Variants in XKR4 observed in about 807,000 individuals in gnomAD.
XKR4 encodes the protein XK-related protein 4.
Under a neutral mutation model 53.9 loss-of-function variants are expected in XKR4, and 12 were observed. The ratio of observed to expected loss-of-function variants is 0.22; its 90% CI spans 0.14 to 0.36. The LOEUF is 0.36. Among genes scored for constraint, XKR4 ranks in the 10% least tolerant of loss-of-function variants. XKR4 has a pLI of 1.00. For synonymous variants in XKR4, 354 were observed against 362.4 expected, an observed-to-expected ratio of 0.98 and a Z score of 0.26; for missense variants, 799 against 859.5, an observed-to-expected ratio of 0.93 and a Z score of 0.88.
At chr8:55,236,983 A>C (rs1247007162) in intron 1 of XKR4, among the ~76,000 whole-genome samples, 1 of 152,200 alleles carries the variant, frequency 6.6e-6, no homozygotes, top group Non-Finnish European at 1.5e-5. Context: ...TATTGTTGAA[A>C]AGCGGGAAAT....
chr8:55,248,090 C>A (rs761499420), intron 1 of XKR4, among the ~76,000 whole-genome samples: 1 of 151,714 alleles, frequency 6.6e-6, no homozygotes, highest in Admixed American at 6.6e-5. Flanking sequence ...CTCCTGACCT[C>A]GTGATCCACC....
At chr8:55,262,959 G>C (rs943081219) in intron 1 of XKR4, among the ~76,000 whole-genome samples, 2 of 152,088 alleles carry the variant, frequency 1.3e-5, no homozygotes, top group Admixed American at 1.3e-4. Flanking sequence ...AACCCTGAAG[G>C]CAGGGAGATA....
At chr8:55,331,625 G>A (rs1418774387) in intron 1 of XKR4, among the ~76,000 whole-genome samples, 1 of 152,100 alleles carries the variant, frequency 6.6e-6, no homozygotes, top group African/African-American at 2.4e-5. Flanking sequence ...TAGGAAGTCT[G>A]ATGCTTGAGG....
At chr8:55,341,992 G>A (rs906213322) in intron 1 of XKR4, among the ~76,000 whole-genome samples, 6 of 151,780 alleles carry the variant, frequency 4.0e-5, no homozygotes, top group African/African-American at 1.5e-4. Flanking sequence ...CCCTTAGACT[G>A]GACCTGAATT....
intron 1 of XKR4, among the ~76,000 whole-genome samples, chr8:55,328,722 G>A (rs142827365): frequency 1.9e-3 from 295 of 152,264 alleles, no homozygotes; most frequent in Non-Finnish European, 3.9e-3. Flanking sequence ...GTCTTTGAAT[G>A]TGCCTCACTC....
chr8:55,453,486 C>G (rs192628120), intron 2 of XKR4: 3 of 394,140 alleles, frequency 7.6e-6, no homozygotes, highest in Non-Finnish European at 1.5e-5. Flanking sequence ...CAGTTGCCCA[C>G]GACCTCCAGC....
intron 1 of XKR4, among the ~76,000 whole-genome samples, chr8:55,288,766 C>A (rs1216452843): frequency 6.6e-6 from 1 of 152,120 alleles, no homozygotes; most frequent in Non-Finnish European, 1.5e-5. Flanking sequence ...AACTTGAGGA[C>A]AATAATCCAA....
chr8:55,198,210 A>G (rs939645218), intron 1 of XKR4, among the ~76,000 whole-genome samples: 2 of 152,194 alleles, frequency 1.3e-5, no homozygotes, highest in Non-Finnish European at 2.9e-5. Context: ...CTGAGACCAA[A>G]TAATATAATA....
intron 2 of XKR4, among the ~76,000 whole-genome samples, chr8:55,490,036 G>A (rs1184179202): frequency 6.6e-6 from 1 of 152,068 alleles, no homozygotes; most frequent in Non-Finnish European, 1.5e-5. Context: ...TAAATTGAAA[G>A]TTTGGAGATC....
At chr8:55,182,157 G>T (rs2129359890) in intron 1 of XKR4, among the ~76,000 whole-genome samples, 2 of 150,162 alleles carry the variant, frequency 1.3e-5, no homozygotes, top group South Asian at 2.1e-4. Context: ...AAAGTTAGTT[G>T]TTTTTTTTTA....
chr8:55,450,571 C>T, intron 2 of XKR4: 2 of 723,604 alleles, frequency 2.8e-6, no homozygotes, highest in South Asian at 2.9e-5. Context: ...AGCCGAGGAA[C>T]TTGAGATAGA....
At chr8:55,223,123 G>A (rs1817903610) in intron 1 of XKR4, among the ~76,000 whole-genome samples, 1 of 152,170 alleles carries the variant, frequency 6.6e-6, no homozygotes, top group African/African-American at 2.4e-5. Context: ...GATGCTATCA[G>A]CACAGGTAAG....
At chr8:55,178,915 G>A (rs1307808187) in intron 1 of XKR4, among the ~76,000 whole-genome samples, 3 of 152,150 alleles carry the variant, frequency 2.0e-5, no homozygotes, top group East Asian at 3.9e-4. Flanking sequence ...CCTCTCAGTA[G>A]CAGAGAATTC....
Position 55,490,896 on chromosome 8 carries a change from T to A in XKR4, c.1007-32385T>A, listed in dbSNP as rs148254888. ...TTTACAGTTTCCTCAAATTTAGAAA[T>A]GTTTCAGCCATTATTTCTTCCAATA... On this transcript the variant is annotated intron_variant, in intron 2 of 2. Transcript: ENST00000327381. Among the ~76,000 whole-genome samples, 29 of 151,510 alleles carry A rather than the reference T, an allele frequency of 1.9e-4. No individual in the cohort carries two copies. In the East Asian group the frequency reaches 5.4e-3, roughly 28 times the overall value.
intron 2 of XKR4, among the ~76,000 whole-genome samples, chr8:55,399,085 G>A (rs748276124): frequency 6.6e-6 from 1 of 152,166 alleles, no homozygotes; most frequent in East Asian, 1.9e-4. Flanking sequence ...TGGAAGTAGC[G>A]AGTGTTGTTC....
intron 2 of XKR4, among the ~76,000 whole-genome samples, chr8:55,372,242 GGT>G (rs1804078470): frequency 6.6e-6 from 1 of 152,122 alleles, no homozygotes; most frequent in African/African-American, 2.4e-5. Flanking sequence ...CCTTTCCTGT[GGT>G]GTCTTCATTT....
intron 2 of XKR4, among the ~76,000 whole-genome samples, chr8:55,396,330 G>A (rs935875774): frequency 3.4e-4 from 51 of 149,280 alleles, no homozygotes; most frequent in African/African-American, 1.2e-3. Context: ...GGACTGGGTA[G>A]ATGCCCTGCA....
chr8:55,187,769 G>T (rs1425839806), intron 1 of XKR4, among the ~76,000 whole-genome samples: 1 of 152,164 alleles, frequency 6.6e-6, no homozygotes, highest in African/African-American at 2.4e-5. Flanking sequence ...GGTAGGCAGA[G>T]AAATTGAGAT....
chr8:55,476,749 G>T (rs367661107), intron 2 of XKR4, among the ~76,000 whole-genome samples: 2 of 152,106 alleles, frequency 1.3e-5, no homozygotes, highest in East Asian at 1.9e-4. Flanking sequence ...ATTATATCCC[G>T]CACCTGGCTC....
Sources: allele counts gnomAD v4.1 joint callset (sites outside exome capture counted in the v4.1 genomes callset), GRCh38; gene constraint gnomAD v4.1.1; transcripts MANE v1.5; gene names NCBI Gene and HGNC (gene_info 2026-07-23, HGNC 2026-07-21).